Variants in HIBADH observed in about 807,000 individuals in gnomAD.
The protein encoded by HIBADH is 3-hydroxyisobutyrate dehydrogenase, mitochondrial.
HIBADH carries 25 observed loss-of-function variants against 36.1 expected under a neutral mutation model. The ratio of observed to expected loss-of-function variants is 0.69; its 90% CI spans 0.50 to 0.97. The LOEUF is 0.97. Among genes scored for constraint, HIBADH ranks in the 50% least tolerant of loss-of-function variants. The pLI is 0.00. For synonymous variants in HIBADH, 160 were observed against 149.5 expected (o/e 1.07, Z -0.51); for missense variants, 421 against 418.0 (o/e 1.01, Z -0.06).
At chr7:27,589,695 G>T (rs929015435) in intron 4 of HIBADH, among the ~76,000 whole-genome samples, 1 of 152,196 alleles carries the variant, frequency 6.6e-6, no homozygotes, top group Non-Finnish European at 1.5e-5. Context: ...GTACTTGATT[G>T]TAAGACAATC....
chr7:27,577,194 G>A (rs1353002837), intron 4 of HIBADH, among the ~76,000 whole-genome samples: 1 of 132,292 alleles, frequency 7.6e-6, no homozygotes, highest in Non-Finnish European at 1.6e-5. Flanking sequence ...ATGGAGTTTC[G>A]CTCTTGTTGC....
chr7:27,614,185 AAG>A (rs1785385605), intron 4 of HIBADH, among the ~76,000 whole-genome samples: 1 of 152,190 alleles, frequency 6.6e-6, no homozygotes, highest in Non-Finnish European at 1.5e-5. Flanking sequence ...CTTTTAATGT[AAG>A]AACTTCCTCT....
At chr7:27,649,182 A>G in intron 2 of HIBADH, 1 of 235,932 alleles carries the variant, frequency 4.2e-6, no homozygotes, top group Non-Finnish European at 8.1e-6. Context: ...CAGCACAATC[A>G]GTAAAGTTAC....
At chr7:27,540,474 C>T (rs917460752) in intron 5 of HIBADH, among the ~76,000 whole-genome samples, 1 of 152,192 alleles carries the variant, frequency 6.6e-6, no homozygotes, top group African/African-American at 2.4e-5. Flanking sequence ...TTAGTGATTT[C>T]CTTGATTGGC....
intron 1 of HIBADH, among the ~76,000 whole-genome samples, chr7:27,650,925 A>C (rs1786179874): frequency 6.6e-6 from 1 of 152,164 alleles, no homozygotes; most frequent in African/African-American, 2.4e-5. Context: ...CACTGCATGA[A>C]GTACTATGAC....
chr7:27,633,624 A>G (rs1372370059), intron 2 of HIBADH, among the ~76,000 whole-genome samples: 1 of 151,948 alleles, frequency 6.6e-6, no homozygotes, highest in Non-Finnish European at 1.5e-5. Context: ...GCGCCACCAT[A>G]CTCCAGCCTG....
At chr7:27,607,318 G>A (rs1207522911) in intron 4 of HIBADH, among the ~76,000 whole-genome samples, 1 of 152,162 alleles carries the variant, frequency 6.6e-6, no homozygotes, top group African/African-American at 2.4e-5. Context: ...GGCCAGCCTG[G>A]CCAACACGGT....
intron 4 of HIBADH, among the ~76,000 whole-genome samples, chr7:27,571,504 C>G (rs1784628544): frequency 6.6e-6 from 1 of 152,180 alleles, no homozygotes; most frequent in South Asian, 2.1e-4. Context: ...GGACTACAGG[C>G]ATGAGCCACT....
intron 7 of HIBADH, among the ~76,000 whole-genome samples, chr7:27,529,276 T>G (rs1046144569): frequency 6.6e-6 from 1 of 152,214 alleles, no homozygotes; most frequent in African/African-American, 2.4e-5. Flanking sequence ...TCAACTCTTA[T>G]GTGAGAAGTA....
intron 4 of HIBADH, among the ~76,000 whole-genome samples, chr7:27,598,174 C>A (rs1286218340): frequency 1.3e-5 from 2 of 152,110 alleles, no homozygotes; most frequent in African/African-American, 4.8e-5. Flanking sequence ...TAGAAGTACA[C>A]AATTATCTAA....
rs142204507 is a variant in HIBADH, at chr7:27,628,407, T to C, written c.484+964A>G. Among the ~76,000 whole-genome samples, 494 of 152,242 alleles carry C rather than the reference T, an allele frequency of 3.2e-3. 6 individuals are homozygous for C. Among genetic ancestry groups the C allele is most frequent in the African/African-American group, 0.011 (465 of 41,574 alleles). On this transcript the variant is annotated intron_variant, in intron 4 of 7. Coordinates refer to ENST00000265395, the MANE Select transcript of HIBADH (RefSeq NM_152740.4). Reference sequence around the variant, plus strand: ...TAATGTAACTGGAATAAAATTCATATTCTGCTGTCTACTGCTATACTGCTA... The same window carrying C: ...TAATGTAACTGGAATAAAATTCATACTCTGCTGTCTACTGCTATACTGCTA...
At chr7:27,527,924 T>TG (rs1783934752) in intron 7 of HIBADH, among the ~76,000 whole-genome samples, 1 of 121,062 alleles carries the variant, frequency 8.3e-6, no homozygotes, top group Non-Finnish European at 1.7e-5. Flanking sequence ...CAGCGTTTTT[T>TG]TTTTTTTTTT....
chr7:27,529,032 A>G (rs1783954864), intron 7 of HIBADH, among the ~76,000 whole-genome samples: 3 of 152,212 alleles, frequency 2.0e-5, no homozygotes, highest in Non-Finnish European at 2.9e-5. Flanking sequence ...ATGGAACAGC[A>G]AAGTCTAGAA....
At chr7:27,529,799 T>G (rs891055657) in intron 7 of HIBADH, among the ~76,000 whole-genome samples, 2 of 152,310 alleles carry the variant, frequency 1.3e-5, no homozygotes, top group African/African-American at 2.4e-5. Flanking sequence ...CACATAAATC[T>G]TCTGTGAAAG....
chr7:27,600,342 T>C (rs970328768), intron 4 of HIBADH, among the ~76,000 whole-genome samples: 1 of 152,142 alleles, frequency 6.6e-6, no homozygotes, highest in Admixed American at 6.6e-5. Context: ...GATAACATCA[T>C]TGAAGTCAGG....
At chr7:27,531,168 C>T (rs199794378) in intron 7 of HIBADH, 24 bp downstream of exon 7, 2 of 1,599,364 alleles carry the variant, frequency 1.3e-6, no homozygotes, top group Non-Finnish European at 1.7e-6. Context: ...TTCCTTCTCT[C>T]TTGGGTGTCT....
At chr7:27,526,567 T>G (rs948926097) in intron 7 of HIBADH, among the ~76,000 whole-genome samples, 195 bp from the exon 8 acceptor site, 3 of 152,228 alleles carry the variant, frequency 2.0e-5, no homozygotes, top group African/African-American at 7.2e-5. Context: ...ACAGAAACCT[T>G]GATTTCTGAG....
At chr7:27,612,874 G>C (rs1406771554) in intron 4 of HIBADH, among the ~76,000 whole-genome samples, 2 of 146,184 alleles carry the variant, frequency 1.4e-5, no homozygotes, top group Admixed American at 1.4e-4. Flanking sequence ...TTGAACCCAG[G>C]AGTTCAAGGA....
In HIBADH at chr7:27,559,575, T is replaced by G. The variant is rs566609821; in HGVS notation, c.485-16475A>C. 3.3e-5 allele frequency among the ~76,000 whole-genome samples: 5 copies of G among 152,132 alleles called. No homozygotes were observed. In the South Asian group the frequency reaches 1.0e-3, roughly 32 times the overall value. ...TGAGCCCAGGAGGTTGAGGCTGCAGTGAGGTATGATCACTCCACTGCAGAG... is the reference window on the plus strand; with the variant it reads ...TGAGCCCAGGAGGTTGAGGCTGCAGGGAGGTATGATCACTCCACTGCAGAG... On this transcript the variant is annotated intron_variant, in intron 4 of 7. Transcript: ENST00000265395.
Sources: gnomAD v4.1 joint callset for allele counts (sites outside exome capture counted in the v4.1 genomes callset) on GRCh38, gnomAD v4.1.1 for gene constraint, MANE v1.5 for transcripts, NCBI Gene and HGNC (gene_info 2026-07-23, HGNC 2026-07-21) for gene names.